KRTAP5-5: variants seen among roughly 807,000 people sequenced by gnomAD.
KRTAP5-5 encodes keratin-associated protein 5-5.
KRTAP5-5 carries 1 observed loss-of-function variant against 2.8 expected under a neutral mutation model. That is an observed-to-expected ratio of 0.35 (90% confidence interval 0.13 to 1.67). The LOEUF (loss-of-function observed/expected upper bound fraction) is 1.67. Among genes scored for constraint, KRTAP5-5 ranks in the 40% most tolerant of loss-of-function variants. KRTAP5-5 has a pLI of 0.35. For synonymous variants in KRTAP5-5, 83 were observed against 110.6 expected (o/e 0.75, Z 1.57); for missense variants, 134 against 270.9 (o/e 0.49, Z 3.55).
exon 1 of KRTAP5-5, chr11:1,630,040 G>A (rs1416022518): frequency 1.9e-6 from 3 of 1,609,902 alleles, no homozygotes; most frequent in Non-Finnish European, 2.5e-6. Flanking sequence ...GTGCCTGTCT[G>A]CTGCTGCAAG....
At chr11:1,630,242 G>A in exon 1 of KRTAP5-5, 3 of 714,184 alleles carry the variant, frequency 4.2e-6, no homozygotes, top group East Asian at 6.2e-5. Flanking sequence ...CCTGTGGGGG[G>A]TCCAAGGGGG....
At chr11:1,629,860 C>T (rs1210402561) in exon 1 of KRTAP5-5, 1 of 1,286,506 alleles carries the variant, frequency 7.8e-7, no homozygotes, top group Non-Finnish European at 1.0e-6. Context: ...TGTGGCTGCT[C>T]CGGAGGCTGT....
In KRTAP5-5 at chr11:1,630,356, CTG is replaced by C. The variant is rs1849741875; in HGVS notation, c.517_518del (p.Cys173LeufsTer7). On this transcript the variant is annotated frameshift_variant, in exon 1 of 1. Transcript: ENST00000399676. LOFTEE classifies it low-confidence loss of function (END_TRUNC). ...GCTGCTCCTCAGGCTGTGGGTCATCCTGCTGCCAGTCCAGCTGCTGTAAGCCT... is the reference window on the plus strand; with the variant it reads ...GCTGCTCCTCAGGCTGTGGGTCATCCCTGCCAGTCCAGCTGCTGTAAGCCT... 1 of 1,317,486 alleles carries C rather than the reference CTG, an allele frequency of 7.6e-7. No homozygotes were observed. The highest frequency in any genetic ancestry group is 2.2e-5 in the African/African-American group (1 of 46,226). 81.6% of individuals were successfully genotyped at this position (1,317,486 alleles called of 1,614,324 possible).
rs778941219 is a variant in KRTAP5-5 at position 1,629,919 on chromosome 11, G to A, written c.79G>A (p.Gly27Ser). 4 of 1,595,858 alleles carry A rather than the reference G, an allele frequency of 2.5e-6. No homozygotes were observed. The highest frequency in any genetic ancestry group is 1.7e-5 in the Admixed American group (1 of 59,224). ...CTCCGGCTGTGGGGGCTGTGGCTCC[G>A]GCTGTGGAGGCTGTGGCTCTGGCTG... The change falls in exon 1 of 1, where the codon GGC becomes AGC. Residue 27 changes from glycine to serine, a missense_variant. Physicochemically the swap from Gly to Ser is moderately conservative, Grantham distance 56. Coordinates refer to ENST00000399676, the Ensembl canonical transcript of KRTAP5-5.
chr11:1,630,124 C>G, exon 1 of KRTAP5-5: 1 of 1,609,622 alleles, frequency 6.2e-7, no homozygotes, highest in Admixed American at 1.7e-5. Flanking sequence ...TGCGGGGGCT[C>G]CAAGAGAGGC....
At chr11:1,630,776 A>C, downstream of KRTAP5-5, 3 of 678,484 alleles carry the variant, frequency 4.4e-6, no homozygotes, top group Non-Finnish European at 5.1e-6. Flanking sequence ...TAAGATCCAA[A>C]GCGGCCCACT....
At chr11:1,630,173 C>T in exon 1 of KRTAP5-5, 1 of 1,411,568 alleles carries the variant, frequency 7.1e-7, no homozygotes, top group Non-Finnish European at 9.4e-7. Context: ...CCTGTGGCTC[C>T]TGTGGGGGGT....
Position 1,629,990 on chromosome 11 carries a change from C to T in KRTAP5-5, c.150C>T (p.Ser50=), listed in dbSNP as rs770862201. 94 of 638,340 alleles carry T rather than the reference C, an allele frequency of 1.5e-4. 1 individual carries two copies. The highest frequency in any genetic ancestry group is 1.8e-4 in the Admixed American group (5 of 27,626). The allele number at this position is 638,340 out of a possible 1,614,324, so 39.5% of individuals were successfully genotyped here. A position where few individuals can be genotyped will look rare whatever the true frequency, so the allele number is the denominator to read the frequency against. The change falls in exon 1 of 1, where the codon TCC becomes TCT. Residue 50 remains serine (S), a synonymous_variant. Transcript: ENST00000399676. ...GTGGAGGCTGTGGGGGCTGTGGCTC[C>T]GGCTGTGCGGGCTGTGGGGGATGTG...
exon 1 of KRTAP5-5, chr11:1,630,634 C>T: frequency 1.3e-6 from 2 of 1,536,446 alleles, no homozygotes; most frequent in South Asian, 1.2e-5. Flanking sequence ...TTCTCTGGTG[C>T]TCCACTGTCT....
chr11:1,630,103 G>A, exon 1 of KRTAP5-5: 2 of 1,611,526 alleles, frequency 1.2e-6, no homozygotes, highest in Admixed American at 1.7e-5. Flanking sequence ...GGCAAAGGGG[G>A]CTGTGGCTCT....
At chr11:1,630,492 T>C in exon 1 of KRTAP5-5, 9 of 1,611,314 alleles carry the variant, frequency 5.6e-6, no homozygotes, top group Non-Finnish European at 7.6e-6. Context: ...ATCCAGCTGC[T>C]ACAAGCCCTG....
chr11:1,630,854 A>G (rs1849752445), downstream of KRTAP5-5: 1 of 566,082 alleles, frequency 1.8e-6, no homozygotes, highest in Admixed American at 3.1e-5. Context: ...AGTGTGATCG[A>G]CCCTCAATCT....
exon 1 of KRTAP5-5, chr11:1,630,338 C>G (rs1416785641): frequency 4.3e-6 from 7 of 1,612,328 alleles, no homozygotes; most frequent in African/African-American, 1.3e-5. Context: ...GCTGCTGCTC[C>G]TCAGGCTGTG....
chr11:1,630,589 T>C (rs1329246620), exon 1 of KRTAP5-5: 2 of 1,611,060 alleles, frequency 1.2e-6, no homozygotes, highest in South Asian at 1.1e-5. Flanking sequence ...GCCTGACTGG[T>C]GAAGGGCCCG....
At chr11:1,630,794 C>G, downstream of KRTAP5-5, 1 of 635,388 alleles carries the variant, frequency 1.6e-6, no homozygotes, top group East Asian at 2.8e-5. Flanking sequence ...ACTGAGGCCC[C>G]AGAGGCAGAT....
downstream of KRTAP5-5, chr11:1,630,853 G>A (rs953868583): frequency 7.0e-6 from 4 of 570,840 alleles, no homozygotes; most frequent in Admixed American, 6.1e-5. Flanking sequence ...GAGTGTGATC[G>A]ACCCTCAATC....
At chr11:1,630,636 C>T in exon 1 of KRTAP5-5, 1 of 1,537,494 alleles carries the variant, frequency 6.5e-7, no homozygotes, top group Non-Finnish European at 8.9e-7. Flanking sequence ...CTCTGGTGCT[C>T]CACTGTCTCC....
At position 1,629,828 on chromosome 11, in the gene KRTAP5-5, A is replaced by G. The variant is rs564784749; in HGVS notation, c.-13A>G. ...TGCTCCTCTACCTGCTCCACCCTCA[A>G]TCCACCAGAACCATGGGCTGCTGTG... On this transcript the variant is annotated 5_prime_UTR_variant, in exon 1 of 1. Coordinates refer to ENST00000399676, the Ensembl canonical transcript of KRTAP5-5. 4 of 1,594,504 alleles carry G rather than the reference A, an allele frequency of 2.5e-6. No homozygotes were observed. In the African/African-American group the frequency reaches 4.2e-5, roughly 17 times the overall value.
chr11:1,629,812 A>G (rs1357017022), exon 1 of KRTAP5-5: 1 of 1,610,236 alleles, frequency 6.2e-7, no homozygotes. Flanking sequence ...CTGCTCCTCT[A>G]CCTGCTCCAC....
Sources: gnomAD v4.1 joint callset for allele counts on GRCh38, gnomAD v4.1.1 for gene constraint, MANE v1.5 for transcripts, NCBI Gene and HGNC (gene_info 2026-07-23, HGNC 2026-07-21) for gene names.